MAPK10: variants seen among roughly 807,000 people sequenced by gnomAD.
The protein encoded by MAPK10 is JNK3 alpha protein kinase.
Under a neutral mutation model 59.3 loss-of-function variants are expected in MAPK10, and 25 were observed. That is an observed-to-expected ratio of 0.42 (90% CI 0.31 to 0.59). MAPK10 has a LOEUF of 0.59. Among genes scored for constraint, MAPK10 ranks in the 20% least tolerant of loss-of-function variants. The probability of loss-of-function intolerance (pLI) is 0.15; values close to 1 mark genes in which losing one functional copy is unlikely to be tolerated. For synonymous variants in MAPK10, 190 were observed against 200.5 expected (o/e 0.95, Z 0.44); for missense variants, 351 against 568.9 (o/e 0.62, Z 3.90).
intron 2 of MAPK10, among the ~76,000 whole-genome samples, chr4:86,308,434 G>A (rs1270166538): frequency 1.3e-5 from 2 of 152,070 alleles, no homozygotes; most frequent in Non-Finnish European, 2.9e-5. Context: ...ACTTTTCTTT[G>A]CTGAATTGCT....
rs917065105 is a variant in MAPK10 at position 86,012,400 on chromosome 4, G to A, written c.*4828C>T. 1 of 152,102 alleles carries A rather than the reference G, an allele frequency of 6.6e-6. No individual in the cohort carries two copies. The highest frequency in any genetic ancestry group is 2.4e-5 in the African/African-American group (1 of 41,424). The allele number at this position is 152,102 out of a possible 1,614,324, so 9.4% of individuals were successfully genotyped here. ...CATGACACCCTTCAGAGCTACTGTC[G>A]TTACATGCAACTCAAGACAACGAGC... On this transcript the variant is annotated 3_prime_UTR_variant, in exon 14 of 14. Coordinates refer to ENST00000641462, the MANE Select transcript of MAPK10 (RefSeq NM_138982.4).
intron 1 of MAPK10, among the ~76,000 whole-genome samples, chr4:86,546,677 C>A (rs561381489): frequency 6.6e-6 from 1 of 152,152 alleles, no homozygotes; most frequent in African/African-American, 2.4e-5. Context: ...ATGAGGCCAG[C>A]CCTACTCCAA....
intron 4 of MAPK10, among the ~76,000 whole-genome samples, chr4:86,114,676 C>G (rs577361771): frequency 5.3e-5 from 8 of 152,320 alleles, no homozygotes; most frequent in African/African-American, 1.9e-4. Context: ...GATCAGGGAA[C>G]TGTTTAAAGA....
chr4:86,348,119 C>T (rs1729210379), intron 2 of MAPK10, among the ~76,000 whole-genome samples: 1 of 152,108 alleles, frequency 6.6e-6, no homozygotes. Context: ...GTTACTGTTA[C>T]TATTCCTTGG....
intron 11 of MAPK10, among the ~76,000 whole-genome samples, chr4:86,041,632 A>G (rs2041542107): frequency 6.6e-6 from 1 of 152,110 alleles, no homozygotes; most frequent in Non-Finnish European, 1.5e-5. Flanking sequence ...AGAAAAAAAC[A>G]AACAACCCCA....
intron 9 of MAPK10, 147 bp from the exon 10 acceptor site, chr4:86,068,102 C>T (rs535661351): frequency 3.9e-6 from 2 of 514,156 alleles, no homozygotes; most frequent in Admixed American, 3.5e-5. Flanking sequence ...TAAAATCAGA[C>T]TTGCAGGCTA....
chr4:86,576,415 G>C (rs1030645650), intron 1 of MAPK10, among the ~76,000 whole-genome samples: 2 of 152,090 alleles, frequency 1.3e-5, no homozygotes, highest in South Asian at 4.1e-4. Context: ...AGTTAATAGC[G>C]TTATAATGCA....
At chr4:86,122,803 T>G (rs2059470929) in intron 4 of MAPK10, among the ~76,000 whole-genome samples, 1 of 152,034 alleles carries the variant, frequency 6.6e-6, no homozygotes, top group Non-Finnish European at 1.5e-5. Context: ...TCTTCAACAT[T>G]GCTTCATTGT....
At chr4:86,093,730 G>A (rs1231331050) in intron 9 of MAPK10, among the ~76,000 whole-genome samples, 1 of 151,722 alleles carries the variant, frequency 6.6e-6, no homozygotes, top group Non-Finnish European at 1.5e-5. Context: ...TATTAAACTT[G>A]CTTTTATTTC....
intron 13 of MAPK10, among the ~76,000 whole-genome samples, chr4:86,023,038 C>A (rs533289813): frequency 6.6e-6 from 1 of 152,188 alleles, no homozygotes; most frequent in East Asian, 1.9e-4. Flanking sequence ...TAAAAACTTA[C>A]TCCTATGTTT....
intron 2 of MAPK10, among the ~76,000 whole-genome samples, chr4:86,295,747 T>C (rs1227647595): frequency 7.1e-6 from 1 of 141,270 alleles, no homozygotes; most frequent in Non-Finnish European, 1.5e-5. Flanking sequence ...TAAATTTATA[T>C]ATATTTTATA....
chr4:86,167,982 T>C (rs1034738097), intron 3 of MAPK10, among the ~76,000 whole-genome samples: 23 of 152,188 alleles, frequency 1.5e-4, no homozygotes, highest in African/African-American at 4.6e-4. Context: ...GAAAATCCCA[T>C]TGTCTCAGCC....
intron 2 of MAPK10, among the ~76,000 whole-genome samples, chr4:86,216,812 C>T (rs10026338): frequency 0.13 from 20,173 of 151,738 alleles, 1,336 homozygotes; most frequent in Middle Eastern, 0.16. Flanking sequence ...TCTTTTAAAA[C>T]AAATATAGTT....
intron 1 of MAPK10, among the ~76,000 whole-genome samples, chr4:86,529,978 T>C (rs900121075): frequency 7.9e-5 from 12 of 152,250 alleles, no homozygotes; most frequent in African/African-American, 2.9e-4. Flanking sequence ...TTTTTTAATA[T>C]TGGCTCTCAA....
chr4:86,321,357 T>C (rs929643335), intron 2 of MAPK10, among the ~76,000 whole-genome samples: 66 of 151,482 alleles, frequency 4.4e-4, no homozygotes, highest in Non-Finnish European at 6.8e-4. Flanking sequence ...AATGATAAAC[T>C]GGATTAAGAA....
intron 2 of MAPK10, among the ~76,000 whole-genome samples, chr4:86,278,413 A>G (rs755028066): frequency 6.6e-6 from 1 of 152,166 alleles, no homozygotes; most frequent in Non-Finnish European, 1.5e-5. Context: ...CATCACAGGG[A>G]ACGTTAGTTA....
chr4:86,280,269 C>A (rs1365378626), intron 2 of MAPK10, among the ~76,000 whole-genome samples: 1 of 152,038 alleles, frequency 6.6e-6, no homozygotes, highest in Admixed American at 6.6e-5. Context: ...AAACAAATAA[C>A]CCCATGAAAA....
chr4:86,158,026 C>T (rs2149225170), intron 4 of MAPK10, among the ~76,000 whole-genome samples: 1 of 152,042 alleles, frequency 6.6e-6, no homozygotes, highest in South Asian at 2.1e-4. Context: ...CCAGAAACTA[C>T]TCTTTTTCTC....
intron 2 of MAPK10, among the ~76,000 whole-genome samples, chr4:86,249,949 G>C (rs1463379766): frequency 6.6e-6 from 1 of 152,076 alleles, no homozygotes; most frequent in Non-Finnish European, 1.5e-5. Flanking sequence ...AAATAAAAAT[G>C]CTAAGTCACT....
Sources: gnomAD v4.1 joint callset for allele counts (sites outside exome capture counted in the v4.1 genomes callset) on GRCh38, gnomAD v4.1.1 for gene constraint, MANE v1.5 for transcripts, NCBI Gene and HGNC (gene_info 2026-07-23, HGNC 2026-07-21) for gene names.